ZC3H7A: variants seen among roughly 807,000 people sequenced by gnomAD.
ZC3H7A encodes zinc finger CCCH domain-containing protein 7A.
A neutral mutation model predicts 125.5 loss-of-function variants in ZC3H7A; 44 were observed. That is an observed-to-expected ratio of 0.35 (90% CI 0.28 to 0.45). The LOEUF is 0.45. Among genes scored for constraint, ZC3H7A ranks in the 20% least tolerant of loss-of-function variants. The pLI, the probability that ZC3H7A is intolerant of heterozygous loss-of-function variation, is 1.00. For missense variants in ZC3H7A, 977 were observed against 1,170.7 expected, an observed-to-expected ratio of 0.83 and a Z score of 2.41; for synonymous variants, 399 against 391.2, an observed-to-expected ratio of 1.02 and a Z score of -0.23.
chr16:11,769,174 G>T, intron 10 of ZC3H7A, 79 bp from the exon 11 acceptor site: 1 of 1,241,588 alleles, frequency 8.1e-7, no homozygotes, highest in African/African-American at 1.5e-5. Flanking sequence ...TAGCTTACTG[G>T]CTATGGCCTC....
intron 1 of ZC3H7A, among the ~76,000 whole-genome samples, chr16:11,788,324 T>C (rs946594726): frequency 1.2e-4 from 19 of 152,112 alleles, no homozygotes; most frequent in Non-Finnish European, 2.5e-4. Context: ...TACTCTCCCA[T>C]AGAGGTCCTC....
chr16:11,788,569 A>T (rs1042281833), intron 1 of ZC3H7A, among the ~76,000 whole-genome samples: 9 of 143,980 alleles, frequency 6.3e-5, no homozygotes, highest in African/African-American at 2.2e-4. Context: ...CACTGTTACC[A>T]GTCTCAGAAA....
intron 1 of ZC3H7A, among the ~76,000 whole-genome samples, chr16:11,792,939 G>A (rs1431145967): frequency 2.0e-5 from 3 of 152,142 alleles, no homozygotes; most frequent in Non-Finnish European, 4.4e-5. Flanking sequence ...ACACGCATGC[G>A]TGTGCACTTG....
At chr16:11,788,059 G>T (rs2053286510) in intron 1 of ZC3H7A, among the ~76,000 whole-genome samples, 1 of 151,632 alleles carries the variant, frequency 6.6e-6, no homozygotes, top group Non-Finnish European at 1.5e-5. Context: ...TCTTATTTTT[G>T]GATACTGTTA....
chr16:11,782,447 A>C (rs1269039640), intron 1 of ZC3H7A, 59 bp from the exon 2 acceptor site: 2 of 1,362,918 alleles, frequency 1.5e-6, no homozygotes, highest in Non-Finnish European at 2.1e-6. Context: ...ACTCCAATGA[A>C]AACACCCACA....
chr16:11,770,946 G>C lies in ZC3H7A; in HGVS notation c.945C>G (p.Val315=), dbSNP rs758470332. 8.1e-6 allele frequency: 13 copies of C among 1,613,522 alleles called. No individual in the cohort carries two copies. In the African/African-American group the frequency reaches 1.7e-4, roughly 22 times the overall value. Residue 315 remains valine (V), a synonymous_variant, in exon 10 of 23, where the codon GTC becomes GTG. Transcript: ENST00000355758. ...ATGCCGAAAAGGGCATGCTAGGAGA[G>C]ACACTGGCTGTCTGAAGGGGTCCTC... The part of the protein sequence containing the change: ...LVRGPLQTAS[V]SPSMPFSASL...
In ZC3H7A at chr16:11,772,998, C is replaced by T. The variant is rs76070840; in HGVS notation, c.903+1238G>A. Among the ~76,000 whole-genome samples, 1,234 of 151,744 alleles carry T rather than the reference C, an allele frequency of 8.1e-3. 44 individuals carry two copies. The highest frequency in any genetic ancestry group is 0.028 in the African/African-American group (1,173 of 41,172). On this transcript the variant is annotated intron_variant, in intron 9 of 22. Coordinates refer to ENST00000355758, the MANE Select transcript of ZC3H7A (RefSeq NM_014153.4). Reference sequence around the variant, plus strand: ...GCGCCACTGCACCCAGCAGAAAAGGCTTTCTATACAGGGATGGACACTAAG... The same window carrying T: ...GCGCCACTGCACCCAGCAGAAAAGGTTTTCTATACAGGGATGGACACTAAG...
chr16:11,754,359 C>T (rs2052602855), intron 21 of ZC3H7A, among the ~76,000 whole-genome samples: 2 of 142,184 alleles, frequency 1.4e-5, no homozygotes, highest in Admixed American at 1.4e-4. Context: ...CACCAAGGAG[C>T]ACTTAAGTAA....
chr16:11,774,669 G>C, intron 8 of ZC3H7A, 150 bp from the exon 9 acceptor site: 1 of 1,020,544 alleles, frequency 9.8e-7, no homozygotes, highest in Admixed American at 3.2e-5. Context: ...ATTCCAAACA[G>C]ATACAGTCAC....
At chr16:11,786,988 G>T (rs1442962876) in intron 1 of ZC3H7A, among the ~76,000 whole-genome samples, 6 of 152,074 alleles carry the variant, frequency 3.9e-5, no homozygotes, top group Admixed American at 2.6e-4. Flanking sequence ...GTTTTTTAAG[G>T]TAAAACACGC....
At chr16:11,763,372 G>C in intron 16 of ZC3H7A, 106 bp downstream of exon 16, 1 of 1,164,278 alleles carries the variant, frequency 8.6e-7, no homozygotes, top group Non-Finnish European at 1.2e-6. Context: ...GCCTCCCAAA[G>C]TAGTGGGATT....
chr16:11,754,438 G>A (rs1263632334), intron 21 of ZC3H7A, among the ~76,000 whole-genome samples: 3 of 151,492 alleles, frequency 2.0e-5, no homozygotes, highest in Non-Finnish European at 2.9e-5. Flanking sequence ...AGAGACGCTG[G>A]GCAAGGCCAG....
Position 11,761,910 on chromosome 16 carries a change from GA to G in ZC3H7A, c.2212del (p.Ser738ArgfsTer9). Reference sequence around the variant, plus strand: ...AATTGTTTCCACACACAATACTTACGAATGCCTTGCTTTTGCACTACAATAT... The same window carrying G: ...AATTGTTTCCACACACAATACTTACGATGCCTTGCTTTTGCACTACAATAT... ...RKYCSAKARHSWTKDRRAMRV... is the reference protein window; with the variant it reads ...RKYCSAKARHXWTKDRRAMRV... On this transcript the variant is annotated frameshift_variant and splice_region_variant, in exon 18 of 23. Transcript: ENST00000355758. LOFTEE classifies it high-confidence loss of function. 1 of 1,611,674 alleles carries G rather than the reference GA, an allele frequency of 6.2e-7. No homozygotes were observed. Among genetic ancestry groups the G allele is most frequent in the Non-Finnish European group, 8.5e-7 (1 of 1,179,436 alleles).
chr16:11,774,182 T>G (rs922704962), intron 9 of ZC3H7A, 54 bp downstream of exon 9: 11 of 1,437,466 alleles, frequency 7.7e-6, no homozygotes, highest in South Asian at 1.7e-5. Flanking sequence ...ATATTACAAT[T>G]TTTAAAAAGT....
At position 11,761,531 on chromosome 16, in the gene ZC3H7A, G is replaced by GA; in HGVS notation, c.2214-21dup. The stretch of plus-strand genomic sequence containing the variant: ...GTCCACCTAAGAAAAATGGAGTTCA[G>GA]AAAAAAACAAAGACACACGAGCAAA... On this transcript the variant is annotated intron_variant, in intron 18 of 22. Coordinates refer to ENST00000355758, the MANE Select transcript of ZC3H7A (RefSeq NM_014153.4). 6.2e-7 allele frequency: 1 copy of GA among 1,611,744 alleles called. No homozygotes were observed. Among genetic ancestry groups the GA allele is most frequent in the African/African-American group, 1.3e-5 (1 of 74,880 alleles).
At chr16:11,761,683 T>C in intron 18 of ZC3H7A, 172 bp from the exon 19 acceptor site, 1 of 827,210 alleles carries the variant, frequency 1.2e-6, no homozygotes, top group South Asian at 1.9e-5. Flanking sequence ...TTACAAACAC[T>C]CCCTACAAAC....
rs1273928925 is a variant in ZC3H7A at position 11,770,738 on chromosome 16, G to C, written c.1108+45C>G. The C allele has an allele frequency of 2.0e-6, 3 of 1,529,808 alleles. No individual in the cohort carries two copies. The South Asian group carries it at 3.5e-5, about 18-fold the overall frequency. 94.8% of individuals were successfully genotyped at this position (1,529,808 alleles called of 1,614,324 possible). On this transcript the variant is annotated intron_variant, in intron 10 of 22. Coordinates refer to ENST00000355758, the MANE Select transcript of ZC3H7A (RefSeq NM_014153.4). Reference sequence around the variant, plus strand: ...ATTGCCAAACAAACATTTTCATTTTGAGAAAATCAACTGCAATTGTTTACA... The same window carrying C: ...ATTGCCAAACAAACATTTTCATTTTCAGAAAATCAACTGCAATTGTTTACA...
In ZC3H7A at chr16:11,782,351, A is replaced by G. The variant is rs1192312647; in HGVS notation, c.4T>C (p.Ser2Pro). The change falls in exon 2 of 23, where the codon TCC becomes CCC. Residue 2 changes from serine (S) to proline (P), a missense_variant. Around this residue, in one of 3 missense-constraint regions of ZC3H7A, gnomAD observed 199 missense variants for 256.1 expected, o/e 0.78. Transcript: ENST00000355758. ...TTTCTTCTCTCCTCGGACACATTGG[A>G]CATGTTATCCCACACATCCACTTTC... M[S>P]NVSEERRKRQ... The G allele has an allele frequency of 3.1e-6, 5 of 1,613,958 alleles. No homozygotes were observed. Among genetic ancestry groups the G allele is most frequent in the African/African-American group, 1.3e-5 (1 of 74,894 alleles).
At chr16:11,757,841 G>A (rs117316625) in intron 20 of ZC3H7A, among the ~76,000 whole-genome samples, 2,308 of 152,288 alleles carry the variant, frequency 0.015, 32 homozygotes, top group Non-Finnish European at 0.023. Context: ...ATAATCCAGA[G>A]ACTGCAGTCA....
Sources: allele counts gnomAD v4.1 joint callset (sites outside exome capture counted in the v4.1 genomes callset), GRCh38; gene constraint gnomAD v4.1.1; regional missense constraint gnomAD v4.1.1; transcripts MANE v1.5; gene names NCBI Gene and HGNC (gene_info 2026-07-23, HGNC 2026-07-21).